Variants in EPCIP observed in about 807,000 individuals in gnomAD.
EPCIP encodes the protein exosomal polycystin-1-interacting protein.
the EPCIP span, among the ~76,000 whole-genome samples, chr21:32,810,154 A>G: frequency 7.3e-5 from 11 of 151,218 alleles, no homozygotes; most frequent in Non-Finnish European, 1.5e-4. Flanking sequence ...TTTTGAGTGA[A>G]TAGTTTTCTG....
chr21:32,813,669 T>G, the EPCIP span: 5 of 471,234 alleles, frequency 1.1e-5, no homozygotes, highest in Admixed American at 1.2e-4. Flanking sequence ...CACCCTGGCT[T>G]GACAGCTGGT....
At chr21:32,791,475 C>A in the EPCIP span, 5 of 151,926 alleles carry the variant, frequency 3.3e-5, no homozygotes, top group Non-Finnish European at 5.9e-5. Context: ...CTAATCTTTT[C>A]ACTTGTCTTT....
the EPCIP span, chr21:32,798,226 G>A: frequency 1.3e-5 from 2 of 152,340 alleles, no homozygotes; most frequent in East Asian, 1.9e-4. Context: ...CCAGCTACTC[G>A]GGAGGCTGAA....
At chr21:32,794,159 G>A in the EPCIP span, 1 of 1,614,238 alleles carries the variant, frequency 6.2e-7, no homozygotes, top group Non-Finnish European at 8.5e-7. Context: ...GCCCAGCGCA[G>A]ATGTGTCCGT....
At chr21:32,799,816 C>G in the EPCIP span, among the ~76,000 whole-genome samples, 4 of 152,110 alleles carry the variant, frequency 2.6e-5, no homozygotes, top group African/African-American at 9.7e-5. Flanking sequence ...GTGGTGCACA[C>G]CTATAATGCC....
the EPCIP span, chr21:32,794,478 G>A: frequency 4.0e-6 from 6 of 1,513,632 alleles, no homozygotes; most frequent in South Asian, 4.9e-5. Flanking sequence ...CAATTTGTTG[G>A]AACTCACCTG....
the EPCIP span, among the ~76,000 whole-genome samples, chr21:32,796,365 C>G: frequency 1.3e-5 from 2 of 152,134 alleles, no homozygotes; most frequent in Non-Finnish European, 2.9e-5. Flanking sequence ...AACAAAGATA[C>G]AAAAGACCTG....
the EPCIP span, chr21:32,793,592 G>A: frequency 1.4e-6 from 1 of 710,964 alleles, no homozygotes; most frequent in Non-Finnish European, 2.5e-6. Context: ...TGGGCACAGA[G>A]CAGAACAGAG....
chr21:32,809,755 C>T, the EPCIP span, among the ~76,000 whole-genome samples: 1 of 152,058 alleles, frequency 6.6e-6, no homozygotes. Context: ...TGTTTCTTGT[C>T]CACTAAGAAA....
At chr21:32,793,716 A>T in the EPCIP span, 25 of 1,567,738 alleles carry the variant, frequency 1.6e-5, no homozygotes, top group Non-Finnish European at 2.0e-5. Context: ...TCTGCAAATT[A>T]TTCATCATTT....
chr21:32,799,709 AG>A, the EPCIP span, among the ~76,000 whole-genome samples: 1 of 152,188 alleles, frequency 6.6e-6, no homozygotes, highest in East Asian at 1.9e-4. Flanking sequence ...TGGTAGGCTG[AG>A]GGGGGCAGAT....
the EPCIP span, chr21:32,796,801 T>C: frequency 3.2e-5 from 11 of 347,528 alleles, no homozygotes; most frequent in Non-Finnish European, 5.8e-5. Context: ...CGTGTCCCAG[T>C]AACCCTGTTA....
chr21:32,809,182 CGTGTGTGTGT>C, the EPCIP span, among the ~76,000 whole-genome samples: 103 of 121,148 alleles, frequency 8.5e-4, 1 homozygote, highest in African/African-American at 1.9e-3. Flanking sequence ...TCGAGGGGTG[CGTGTGTGTGT>C]GTGTGTGTGT....
chr21:32,793,465 T>C, the EPCIP span: 2 of 509,262 alleles, frequency 3.9e-6, no homozygotes, highest in African/African-American at 1.9e-5. Context: ...GACATTTCCC[T>C]GCAGGCTTCT....
chr21:32,795,864 G>T, the EPCIP span, among the ~76,000 whole-genome samples: 1 of 152,220 alleles, frequency 6.6e-6, no homozygotes, highest in Non-Finnish European at 1.5e-5. Flanking sequence ...GCTCTGCCGC[G>T]TAAACTTGAA....
chr21:32,794,763 A>AGCCAGAGCGAT, the EPCIP span, among the ~76,000 whole-genome samples: 3 of 152,230 alleles, frequency 2.0e-5, no homozygotes, highest in Middle Eastern at 3.2e-3. Flanking sequence ...CCAACAACAC[A>AGCCAGAGCGAT]GCCAGAGCGA....
At chr21:32,809,316 C>CTTTCTTTCT in the EPCIP span, among the ~76,000 whole-genome samples, 1 of 134,060 alleles carries the variant, frequency 7.5e-6, no homozygotes, top group Non-Finnish European at 1.6e-5. Context: ...TTCTTTCTTT[C>CTTTCTTTCT]TTTCTTTCTT....
chr21:32,802,894 G>A, the EPCIP span, among the ~76,000 whole-genome samples: 3 of 152,190 alleles, frequency 2.0e-5, no homozygotes, highest in African/African-American at 7.2e-5. Flanking sequence ...CAATTCTTCT[G>A]CCTCAGCCTC....
the EPCIP span, among the ~76,000 whole-genome samples, chr21:32,810,405 A>T: frequency 2.1e-5 from 3 of 140,836 alleles, no homozygotes; most frequent in South Asian, 2.3e-4. Flanking sequence ...ACAGGCGCCC[A>T]CCACCATGCC....
Sources: gnomAD v4.1 joint callset for allele counts (sites outside exome capture counted in the v4.1 genomes callset) on GRCh38, gnomAD v4.1.1 for gene constraint, MANE v1.5 for transcripts, NCBI Gene and HGNC (gene_info 2026-07-23, HGNC 2026-07-21) for gene names.